The following PSIP1 variants were observed in gnomAD, a reference collection of about 807,000 sequenced individuals.
The protein encoded by PSIP1 is PC4 and SFRS1-interacting protein.
In PSIP1, 19 loss-of-function variants were observed where a neutral mutation model predicts 74.7. The ratio of observed to expected loss-of-function variants is 0.25; its 90% CI spans 0.18 to 0.37. The LOEUF (loss-of-function observed/expected upper bound fraction) is 0.37. Ranked by LOEUF, PSIP1 falls within the 10% of genes least tolerant of loss-of-function variation. The pLI, the probability that PSIP1 is intolerant of heterozygous loss-of-function variation, is 1.00. For synonymous variants in PSIP1, 222 were observed against 195.3 expected (o/e 1.14, Z -1.14); for missense variants, 601 against 614.3 (o/e 0.98, Z 0.23).
chr9:15,498,233 C>T (rs1349350879), intron 3 of PSIP1, among the ~76,000 whole-genome samples: 2 of 151,938 alleles, frequency 1.3e-5, no homozygotes, highest in East Asian at 3.9e-4. Flanking sequence ...CTGGCCAAGA[C>T]GGCAAAACCC....
At chr9:15,498,786 C>T (rs2132194423) in intron 3 of PSIP1, among the ~76,000 whole-genome samples, 1 of 152,228 alleles carries the variant, frequency 6.6e-6, no homozygotes, top group East Asian at 1.9e-4. Context: ...CTGACTGATT[C>T]ATTCTTCAAG....
At chr9:15,472,888 C>G (rs1200471119) in intron 9 of PSIP1, 138 bp from the exon 10 acceptor site, 3 of 742,890 alleles carry the variant, frequency 4.0e-6, no homozygotes, top group Non-Finnish European at 6.6e-6. Context: ...TAAAAATAGT[C>G]TTTGAATTAC....
chr9:15,489,675 A>G (rs1034374349), intron 4 of PSIP1, among the ~76,000 whole-genome samples: 1 of 151,872 alleles, frequency 6.6e-6, no homozygotes, highest in African/African-American at 2.4e-5. Flanking sequence ...TTAGGCATAC[A>G]CCATGTAAGT....
intron 14 of PSIP1, among the ~76,000 whole-genome samples, chr9:15,467,581 G>T (rs968626859): frequency 6.6e-6 from 1 of 152,174 alleles, no homozygotes; most frequent in Non-Finnish European, 1.5e-5. Flanking sequence ...TTCAAGAGGG[G>T]CATAGAGAAA....
rs1211855018 is a variant in PSIP1, at chr9:15,464,607, T to C, written c.*913A>G. 1.0e-5 allele frequency: 2 copies of C among 197,242 alleles called. No homozygotes were observed. Among genetic ancestry groups the C allele is most frequent in the Non-Finnish European group, 2.1e-5 (2 of 95,412 alleles). 12.2% of individuals were successfully genotyped at this position (197,242 alleles called of 1,614,324 possible). On this transcript the variant is annotated 3_prime_UTR_variant, in exon 16 of 16. Transcript: ENST00000380733. Reference sequence around the variant, plus strand: ...GGTGAGTTTCCTTATATAACATTTATTCATATTTATTGTATAAGCATCATG... The same window carrying C: ...GGTGAGTTTCCTTATATAACATTTACTCATATTTATTGTATAAGCATCATG...
intron 6 of PSIP1, 44 bp downstream of exon 6, chr9:15,485,962 A>G (rs368853976): frequency 4.0e-4 from 603 of 1,502,692 alleles, no homozygotes; most frequent in Non-Finnish European, 5.0e-4. Context: ...ATTAAAATAA[A>G]AATTCTTTTC....
Position 15,468,758 on chromosome 9 carries a change from TCAC to T in PSIP1, c.1289_1291del (p.Gly430del). ...CACTTGGGTGATCACGGAATCTCCT[TCAC>T]CAACCAAGAACATGTTCTTAAACTT... On this transcript the variant is annotated inframe_deletion, in exon 14 of 16. Transcript: ENST00000380733. 1 of 1,614,082 alleles carries T rather than the reference TCAC, an allele frequency of 6.2e-7. No individual in the cohort carries two copies. Among genetic ancestry groups the T allele is most frequent in the South Asian group, 1.1e-5 (1 of 91,090 alleles).
At chr9:15,473,922 AAAAAC>A (rs1324681929) in intron 9 of PSIP1, 82 bp downstream of exon 9, 4 of 889,216 alleles carry the variant, frequency 4.5e-6, no homozygotes, top group African/African-American at 4.0e-5. Flanking sequence ...AAACAAAAAA[AAAAAC>A]AAAAAAAAAA....
At chr9:15,468,567 T>C in intron 14 of PSIP1, 63 bp downstream of exon 14, 1 of 1,539,434 alleles carries the variant, frequency 6.5e-7, no homozygotes, top group South Asian at 1.1e-5. Flanking sequence ...AAGCCATTTT[T>C]AAAAGCAGTC....
intron 10 of PSIP1, chr9:15,471,832 A>G: frequency 1.0e-6 from 1 of 960,664 alleles, no homozygotes; most frequent in Non-Finnish European, 1.2e-6. Flanking sequence ...TTATTGACCT[A>G]GAGCATGTTT....
At chr9:15,491,979 C>T (rs536078358) in intron 3 of PSIP1, 30 of 152,342 alleles carry the variant, frequency 2.0e-4, no homozygotes, top group African/African-American at 6.3e-4. Context: ...TTACCTCCAC[C>T]TGGTTCCGCC....
At chr9:15,496,255 C>G (rs745396970) in intron 3 of PSIP1, among the ~76,000 whole-genome samples, 2 of 152,168 alleles carry the variant, frequency 1.3e-5, no homozygotes, top group African/African-American at 2.4e-5. Context: ...TTAGCTAAGT[C>G]ATGGCAATTG....
intron 6 of PSIP1, 93 bp downstream of exon 6, chr9:15,485,913 A>C: frequency 8.7e-7 from 1 of 1,155,366 alleles, no homozygotes; most frequent in East Asian, 2.4e-5. Context: ...ATAAAAGCTG[A>C]AATTTAAGGT....
Position 15,467,402 on chromosome 9 carries a change from G to A in PSIP1, c.1421-543C>T, listed in dbSNP as rs181451096. Among the ~76,000 whole-genome samples, 398 of 152,190 alleles carry A rather than the reference G, an allele frequency of 2.6e-3. 2 individuals are homozygous for A. Among genetic ancestry groups the A allele is most frequent in the Middle Eastern group, 0.017 (5 of 294 alleles). Reference sequence around the variant, plus strand: ...AAGCAACAAAAACAAAAAACCAACCGACTGCTTTTGAAATGCCAGCTTTTA... The same window carrying A: ...AAGCAACAAAAACAAAAAACCAACCAACTGCTTTTGAAATGCCAGCTTTTA... On this transcript the variant is annotated intron_variant, in intron 14 of 15. Coordinates refer to ENST00000380733, the MANE Select transcript of PSIP1 (RefSeq NM_033222.5).
At position 15,493,728 on chromosome 9, in the gene PSIP1, A is replaced by C. The variant is rs371235403; in HGVS notation, c.150-3604T>G. ...GAGAGGGAATGAGCGCAAGCAGGGG[A>C]AATGCCAGACACTTATGAAACCATC... On this transcript the variant is annotated intron_variant, in intron 3 of 15. Coordinates refer to ENST00000380733, the MANE Select transcript of PSIP1 (RefSeq NM_033222.5). Among the ~76,000 whole-genome samples the C allele has an allele frequency of 5.3e-5, 8 of 152,308 alleles. No individual in the cohort carries two copies. In the East Asian group the frequency reaches 7.7e-4, roughly 15 times the overall value.
chr9:15,468,324 G>C (rs1006686580), intron 14 of PSIP1: 5 of 590,824 alleles, frequency 8.5e-6, no homozygotes, highest in African/African-American at 1.8e-5. Context: ...CAACCAGGAA[G>C]TGGGTACTCT....
intron 8 of PSIP1, 99 bp downstream of exon 8, chr9:15,478,378 C>T (rs2036187978): frequency 1.0e-6 from 1 of 954,338 alleles, no homozygotes; most frequent in African/African-American, 1.7e-5. Context: ...TAATAACAAA[C>T]ATCCTGTAAG....
At chr9:15,490,149 G>A (rs372558893) in intron 3 of PSIP1, 25 bp from the exon 4 acceptor site, 17 of 1,555,750 alleles carry the variant, frequency 1.1e-5, no homozygotes, top group Non-Finnish European at 1.5e-5. Context: ...GGGAAGATGT[G>A]AGTGCAAAGC....
chr9:15,488,709 AC>A (rs1370302682), intron 4 of PSIP1, among the ~76,000 whole-genome samples: 1 of 152,138 alleles, frequency 6.6e-6, no homozygotes. Context: ...ACAAGGTGAA[AC>A]CCCGTCTCTA....
Sources: allele counts gnomAD v4.1 joint callset (sites outside exome capture counted in the v4.1 genomes callset), GRCh38; gene constraint gnomAD v4.1.1; transcripts MANE v1.5; gene names NCBI Gene and HGNC (gene_info 2026-07-23, HGNC 2026-07-21).